Variants in FRMD4A observed in about 807,000 individuals in gnomAD.
FRMD4A encodes FERM domain-containing protein 4A.
A neutral mutation model predicts 129.1 loss-of-function variants in FRMD4A; 29 were observed. The ratio of observed to expected loss-of-function variants is 0.22; its 90% CI spans 0.17 to 0.31. The LOEUF is 0.31. Among genes scored for constraint, FRMD4A ranks in the 10% least tolerant of loss-of-function variants. The pLI is 1.00. For missense variants in FRMD4A, 1,272 were observed against 1,375.8 expected, an observed-to-expected ratio of 0.92 and a Z score of 1.19; for synonymous variants, 634 against 571.6, an observed-to-expected ratio of 1.11 and a Z score of -1.56.
At chr10:13,761,088 G>A (rs1311426154) in intron 8 of FRMD4A, among the ~76,000 whole-genome samples, 1 of 152,012 alleles carries the variant, frequency 6.6e-6, no homozygotes, top group Non-Finnish European at 1.5e-5. Flanking sequence ...AGTTTTACAG[G>A]GTTATTAACA....
chr10:13,732,631 C>T (rs2090390251), intron 12 of FRMD4A, among the ~76,000 whole-genome samples: 1 of 152,238 alleles, frequency 6.6e-6, no homozygotes, highest in African/African-American at 2.4e-5. Flanking sequence ...GCAGCTGTTA[C>T]TGCAGAAGCC....
At chr10:14,180,598 T>G (rs1338427237) in intron 2 of FRMD4A, among the ~76,000 whole-genome samples, 3 of 152,168 alleles carry the variant, frequency 2.0e-5, no homozygotes, top group African/African-American at 7.2e-5. Flanking sequence ...AACTCTACAG[T>G]CTTCTGAAAA....
intron 2 of FRMD4A, among the ~76,000 whole-genome samples, chr10:13,871,865 A>G (rs1425181442): frequency 6.6e-6 from 1 of 152,016 alleles, no homozygotes; most frequent in Admixed American, 6.5e-5. Context: ...CTCCCTTGCT[A>G]CCCTCCCTGA....
intron 2 of FRMD4A, among the ~76,000 whole-genome samples, chr10:14,131,855 A>G (rs1342970163): frequency 3.3e-5 from 5 of 152,058 alleles, no homozygotes. Context: ...CTTTTCTTAT[A>G]ATCACACAAG....
rs1838984374 is a variant in FRMD4A, at chr10:14,127,996, C to CTT, written c.45+202061_45+202062insAA. ...TTTCTTTCCTTCTCTCTCTCTCTCT[C>CTT]TCTCTTTCTTTCTTTCTTCCTTCCT... On this transcript the variant is annotated intron_variant, in intron 2 of 24. Coordinates refer to ENST00000357447, the MANE Select transcript of FRMD4A (RefSeq NM_018027.5). 2.5e-5 allele frequency among the ~76,000 whole-genome samples: 3 copies of CTT among 119,362 alleles called. 1 individual carries two copies. The highest frequency in any genetic ancestry group is 1.2e-4 in the African/African-American group (3 of 24,846). The allele number at this position is 119,362 out of a possible 152,430, so 78.3% of individuals were successfully genotyped here.
intron 12 of FRMD4A, among the ~76,000 whole-genome samples, chr10:13,722,043 G>A (rs2089454826): frequency 6.6e-6 from 1 of 152,136 alleles, no homozygotes; most frequent in African/African-American, 2.4e-5. Context: ...CCATGACAAG[G>A]CTGTGCTCGC....
chr10:13,674,415 G>T (rs1352268648), intron 16 of FRMD4A, among the ~76,000 whole-genome samples: 1 of 152,166 alleles, frequency 6.6e-6, no homozygotes, highest in East Asian at 1.9e-4. Context: ...CTCCCATGGG[G>T]TCCTCTTTGG....
At chr10:14,292,801 A>G (rs987402170) in intron 2 of FRMD4A, among the ~76,000 whole-genome samples, 2 of 151,484 alleles carry the variant, frequency 1.3e-5, no homozygotes, top group East Asian at 1.9e-4. Flanking sequence ...CTCTGCCTCA[A>G]AAAAAAAACC....
At chr10:13,685,708 T>C in intron 15 of FRMD4A, 3 of 887,326 alleles carry the variant, frequency 3.4e-6, no homozygotes, top group Non-Finnish European at 4.1e-6. Context: ...GTCAGGAGGC[T>C]GAGGCAGGAG....
At position 14,299,823 on chromosome 10, in the gene FRMD4A, A is replaced by G. The variant is rs529162494; in HGVS notation, c.45+30235T>C. Reference sequence around the variant, plus strand: ...TTGATCTGTCAGGGAAGATTAGAAGAATACAGTATGTGTAGTTTGGCTAAG... The same window carrying G: ...TTGATCTGTCAGGGAAGATTAGAAGGATACAGTATGTGTAGTTTGGCTAAG... On this transcript the variant is annotated intron_variant, in intron 2 of 24. Coordinates refer to ENST00000357447, the MANE Select transcript of FRMD4A (RefSeq NM_018027.5). Among the ~76,000 whole-genome samples, 4 of 152,318 alleles carry G rather than the reference A, an allele frequency of 2.6e-5. No individual in the cohort carries two copies. The East Asian group carries it at 7.7e-4, about 29-fold the overall frequency.
At chr10:14,223,705 C>G (rs148122867) in intron 2 of FRMD4A, among the ~76,000 whole-genome samples, 46 of 128,222 alleles carry the variant, frequency 3.6e-4, no homozygotes, top group Admixed American at 6.4e-4. Context: ...TGCACTACTG[C>G]AATCCAGCCT....
intron 2 of FRMD4A, among the ~76,000 whole-genome samples, chr10:13,891,098 G>A (rs2094690243): frequency 6.6e-6 from 1 of 152,142 alleles, no homozygotes; most frequent in Non-Finnish European, 1.5e-5. Flanking sequence ...ACGTACTAAA[G>A]GGGGTTCCCT....
chr10:14,021,734 G>GT (rs1430498566), intron 2 of FRMD4A, among the ~76,000 whole-genome samples: 1 of 152,108 alleles, frequency 6.6e-6, no homozygotes, highest in Non-Finnish European at 1.5e-5. Context: ...GGGTGTTCAT[G>GT]TTGTAAATAA....
intron 13 of FRMD4A, among the ~76,000 whole-genome samples, chr10:13,703,751 C>T (rs925085063): frequency 4.6e-5 from 7 of 152,086 alleles, no homozygotes; most frequent in Non-Finnish European, 7.4e-5. Flanking sequence ...GCAATGATAC[C>T]AACATAAAAA....
At chr10:14,098,083 T>G (rs1007053350) in intron 2 of FRMD4A, among the ~76,000 whole-genome samples, 1 of 143,908 alleles carries the variant, frequency 6.9e-6, no homozygotes, top group African/African-American at 2.5e-5. Context: ...ATAAATTATA[T>G]ATTATATAAA....
In FRMD4A at chr10:13,665,217, A is replaced by T. The variant is rs2082925743; in HGVS notation, c.1603+880T>A. ...TGTACAGTTCATTGGCATCAAGCAC[A>T]TTCCCATTGTTGCGTAACCGTCACC... On this transcript the variant is annotated intron_variant, in intron 18 of 24. Coordinates refer to ENST00000357447, the MANE Select transcript of FRMD4A (RefSeq NM_018027.5). Among the ~76,000 whole-genome samples the T allele has an allele frequency of 2.0e-5, 3 of 152,060 alleles. No individual in the cohort carries two copies. The South Asian group carries it at 6.2e-4, about 31-fold the overall frequency.
At chr10:13,782,694 G>A (rs995955572) in intron 6 of FRMD4A, among the ~76,000 whole-genome samples, 3 of 152,102 alleles carry the variant, frequency 2.0e-5, no homozygotes, top group Non-Finnish European at 4.4e-5. Context: ...CACCCGCCTC[G>A]GCCTCCCAAA....
chr10:14,261,762 C>T (rs1844808117), intron 2 of FRMD4A, among the ~76,000 whole-genome samples: 1 of 152,098 alleles, frequency 6.6e-6, no homozygotes, highest in African/African-American at 2.4e-5. Context: ...TTGTCTATAA[C>T]CTGAGAGGGA....
At chr10:13,848,852 C>T (rs1035922257) in intron 3 of FRMD4A, among the ~76,000 whole-genome samples, 7 of 152,300 alleles carry the variant, frequency 4.6e-5, no homozygotes, top group African/African-American at 1.7e-4. Flanking sequence ...GACTTAGCTG[C>T]TTGTGCTCCC....
Sources: allele counts gnomAD v4.1 joint callset (sites outside exome capture counted in the v4.1 genomes callset), GRCh38; gene constraint gnomAD v4.1.1; transcripts MANE v1.5; gene names NCBI Gene and HGNC (gene_info 2026-07-23, HGNC 2026-07-21).